The following RAE1 variants were observed in gnomAD, a reference collection of about 807,000 sequenced individuals.
RAE1 encodes the protein ribonucleic acid export 1, also known as mRNA export factor RAE1.
A neutral mutation model predicts 52.7 loss-of-function variants in RAE1; 13 were observed. That is an observed-to-expected ratio of 0.25 (90% CI 0.16 to 0.39). RAE1 has a LOEUF of 0.39. Ranked by LOEUF, RAE1 falls within the 10% of genes least tolerant of loss-of-function variation. RAE1 has a pLI of 1.00. For synonymous variants in RAE1, 164 were observed against 153.1 expected (o/e 1.07, Z -0.52); for missense variants, 262 against 459.8 (o/e 0.57, Z 3.93).
intron 7 of RAE1, among the ~76,000 whole-genome samples, chr20:57,367,633 G>A (rs117727471): frequency 0.045 from 6,799 of 151,652 alleles, 220 homozygotes; most frequent in Non-Finnish European, 0.069. Flanking sequence ...CTAGCTATTC[G>A]GGAGGCTGAC....
chr20:57,374,736 T>C lies in RAE1; in HGVS notation c.955T>C (p.Ser319Pro). The change falls in exon 11 of 12, where the codon TCA (serine) becomes CCA (proline). Residue 319 changes from serine (S) to proline (P), a missense_variant. Ser to Pro is a moderately conservative substitution (Grantham distance 74). Transcript: ENST00000395841. The stretch of plus-strand genomic sequence containing the variant: ...TTCGGAACAGTTAGATCAGCCCATC[T>C]CAGCTTGCTGTTTCAATCACAATGG... ...KTSEQLDQPISACCFNHNGNI... is the reference protein window; with the variant it reads ...KTSEQLDQPIPACCFNHNGNI... 1 of 1,614,220 alleles carries C rather than the reference T, an allele frequency of 6.2e-7. No homozygotes were observed. The highest frequency in any genetic ancestry group is 8.5e-7 in the Non-Finnish European group (1 of 1,180,042).
chr20:57,351,827 C>T (rs1465151542), intron 1 of RAE1: 3 of 985,304 alleles, frequency 3.0e-6, no homozygotes, highest in African/African-American at 1.7e-5. Flanking sequence ...TAGCAGTTAC[C>T]AGTCTCTGAA....
chr20:57,356,035 A>AT (rs765931167), intron 3 of RAE1, among the ~76,000 whole-genome samples: 3 of 152,162 alleles, frequency 2.0e-5, no homozygotes, highest in Non-Finnish European at 4.4e-5. Context: ...GATTAGGGTG[A>AT]TTTTTATTTT....
chr20:57,378,198 C>A lies in RAE1; in HGVS notation c.*99C>A. 1.0e-6 allele frequency: 1 copy of A among 997,334 alleles called. No homozygotes were observed. Among genetic ancestry groups the A allele is most frequent in the Non-Finnish European group, 1.5e-6 (1 of 680,132 alleles). The allele number at this position is 997,334 out of a possible 1,614,324, so 61.8% of individuals were successfully genotyped here. A position where few individuals can be genotyped will look rare whatever the true frequency, so the allele number is the denominator to read the frequency against. ...GCCTTGTTGGGTTGTCAGCCATGGA[C>A]ATGGATTTCAACCCCTGGAGAAAAC... On this transcript the variant is annotated 3_prime_UTR_variant, in exon 12 of 12. Transcript: ENST00000395841.
chr20:57,370,891 C>T (rs577778371), intron 8 of RAE1, among the ~76,000 whole-genome samples: 2 of 152,262 alleles, frequency 1.3e-5, no homozygotes, highest in South Asian at 4.1e-4. Flanking sequence ...TCTGAACCTG[C>T]CCCTCTCGGC....
At chr20:57,357,959 G>C (rs949313611) in intron 4 of RAE1, 1 of 152,168 alleles carries the variant, frequency 6.6e-6, no homozygotes, top group Non-Finnish European at 1.5e-5. Context: ...ATATGAAATC[G>C]TGTGGGCCAC....
rs773187880 is a variant in RAE1 at position 57,374,815 on chromosome 20, G to T, written c.1020+14G>T. 5 of 1,614,070 alleles carry T rather than the reference G, an allele frequency of 3.1e-6. No individual in the cohort carries two copies. The highest frequency in any genetic ancestry group is 4.2e-6 in the Non-Finnish European group (5 of 1,180,016). On this transcript the variant is annotated intron_variant, in intron 11 of 11. Transcript: ENST00000395841. ...GACTGGTCAAAGGTGAGAACTCCCG[G>T]GCCTGCTCTGGGTGCTCCAAGGCAG... is the stretch of plus-strand genomic sequence containing the variant.
At chr20:57,371,948 T>C (rs2067041605) in intron 8 of RAE1, 1 of 152,184 alleles carries the variant, frequency 6.6e-6, no homozygotes, top group Admixed American at 6.5e-5. Context: ...ATGGTTCCAC[T>C]TAAATGTGAT....
chr20:57,361,394 G>T (rs1014976137), intron 4 of RAE1, among the ~76,000 whole-genome samples: 2 of 152,106 alleles, frequency 1.3e-5, no homozygotes, highest in African/African-American at 4.8e-5. Context: ...TGGGGTGTTC[G>T]TGGTTAAAAT....
intron 1 of RAE1, among the ~76,000 whole-genome samples, chr20:57,353,345 G>A (rs1303353409): frequency 2.0e-5 from 3 of 152,210 alleles, no homozygotes; most frequent in Non-Finnish European, 2.9e-5. Context: ...GAAGACTGGT[G>A]AGATTAGAGT....
At chr20:57,351,814 T>G (rs2146120355) in intron 1 of RAE1, 1 of 985,472 alleles carries the variant, frequency 1.0e-6, no homozygotes, top group African/African-American at 1.7e-5. Context: ...TCCATTTCTT[T>G]CGTAGCAGTT....
intron 8 of RAE1, chr20:57,371,276 G>C (rs1295764626): frequency 6.6e-6 from 1 of 152,208 alleles, no homozygotes; most frequent in East Asian, 1.9e-4. Context: ...AGAGTGAAAA[G>C]GCAGCCTGTG....
At chr20:57,372,170 T>G (rs1337539983) in intron 8 of RAE1, 1 of 152,270 alleles carries the variant, frequency 6.6e-6, no homozygotes, top group Non-Finnish European at 1.5e-5. Context: ...TTCACTCTTC[T>G]TACCACAGTA....
chr20:57,375,070 G>C (rs1158623063), intron 11 of RAE1: 2 of 697,034 alleles, frequency 2.9e-6, no homozygotes, highest in South Asian at 3.0e-5. Context: ...CAGAAGCACA[G>C]GCAAGCCGGG....
chr20:57,356,875 G>A (rs1233374192), intron 4 of RAE1, among the ~76,000 whole-genome samples: 1 of 152,236 alleles, frequency 6.6e-6, no homozygotes, highest in East Asian at 1.9e-4. Context: ...CAGCTGTAGA[G>A]GGGCTTCCAC....
chr20:57,354,587 A>G, intron 2 of RAE1, 125 bp from the exon 3 acceptor site: 2 of 593,130 alleles, frequency 3.4e-6, no homozygotes, highest in African/African-American at 1.9e-5. Context: ...AAGTAAGGAA[A>G]GGTCTAATTC....
intron 1 of RAE1, chr20:57,351,663 G>A (rs2066711131): frequency 4.1e-6 from 4 of 985,538 alleles, no homozygotes; most frequent in Non-Finnish European, 4.8e-6. Context: ...GTCACATTGC[G>A]TTAATGCAGT....
In RAE1 at chr20:57,378,233, G is replaced by GTT. The variant is rs2067144130; in HGVS notation, c.*135_*136dup. ...AACCCCTGGAGAAAACGATGTCATTGTTCAGCAGCTGAGAGCCCAGGCGTC... is the reference window on the plus strand; with the variant it reads ...AACCCCTGGAGAAAACGATGTCATTGTTTTCAGCAGCTGAGAGCCCAGGCGTC... On this transcript the variant is annotated 3_prime_UTR_variant, in exon 12 of 12. Transcript: ENST00000395841. 4.1e-6 allele frequency: 3 copies of GTT among 730,088 alleles called. No individual in the cohort carries two copies. Among genetic ancestry groups the GTT allele is most frequent in the Admixed American group, 3.0e-5 (1 of 33,488 alleles). 45.2% of individuals were successfully genotyped at this position (730,088 alleles called of 1,614,324 possible).
intron 1 of RAE1, among the ~76,000 whole-genome samples, chr20:57,353,474 T>A (rs2066740179): frequency 6.6e-6 from 1 of 152,234 alleles, no homozygotes; most frequent in Admixed American, 6.5e-5. Flanking sequence ...CAAAACACGA[T>A]GCCCGACCTT....
Sources: allele counts gnomAD v4.1 joint callset (sites outside exome capture counted in the v4.1 genomes callset), GRCh38; gene constraint gnomAD v4.1.1; transcripts MANE v1.5; gene names NCBI Gene and HGNC (gene_info 2026-07-23, HGNC 2026-07-21).